Variants in DNAJC6 observed in about 807,000 individuals in gnomAD.
The protein encoded by DNAJC6 is auxilin.
Under a neutral mutation model 110.0 loss-of-function variants are expected in DNAJC6, and 34 were observed. The ratio of observed to expected loss-of-function variants is 0.31; its 90% CI spans 0.24 to 0.41. The LOEUF (loss-of-function observed/expected upper bound fraction) is 0.41. Ranked by LOEUF, DNAJC6 falls within the 10% of genes least tolerant of loss-of-function variation. The pLI is 1.00. For synonymous variants in DNAJC6, 406 were observed against 437.2 expected (o/e 0.93, Z 0.89); for missense variants, 1,031 against 1,207.8 (o/e 0.85, Z 2.17).
At chr1:65,318,838 A>G (rs2101403155) in intron 1 of DNAJC6, among the ~76,000 whole-genome samples, 1 of 152,314 alleles carries the variant, frequency 6.6e-6, no homozygotes, top group East Asian at 1.9e-4. Context: ...CATGCTGCAC[A>G]TGTACACCAG....
At chr1:65,380,308 AATTTCAAAGCTTCT>A (rs1645805126) in intron 5 of DNAJC6, among the ~76,000 whole-genome samples, 1 of 152,240 alleles carries the variant, frequency 6.6e-6, no homozygotes, top group African/African-American at 2.4e-5. Flanking sequence ...TAATGCTGGA[AATTTCAAAGCTTCT>A]ATAAATTTTA....
chr1:65,316,372 T>C (rs1645148871), intron 1 of DNAJC6, among the ~76,000 whole-genome samples: 1 of 152,236 alleles, frequency 6.6e-6, no homozygotes, highest in Non-Finnish European at 1.5e-5. Context: ...AGCTCAGATA[T>C]TCCTTAATCG....
At chr1:65,307,008 CTCTCTCTCTCTATATATATA>C (rs1645048712), upstream of DNAJC6, among the ~76,000 whole-genome samples, 1 of 93,214 alleles carries the variant, frequency 1.1e-5, no homozygotes, top group African/African-American at 4.8e-5. Flanking sequence ...CTCTCTCTCT[CTCTCTCTCTCTATATATATA>C]TATATATATA....
chr1:65,374,359 A>G (rs999209492), intron 4 of DNAJC6, among the ~76,000 whole-genome samples: 3 of 152,066 alleles, frequency 2.0e-5, no homozygotes, highest in Non-Finnish European at 4.4e-5. Context: ...GAATCTGTAC[A>G]TTGCTTTGGG....
intron 18 of DNAJC6, 123 bp downstream of exon 18, chr1:65,411,549 G>C: frequency 1.1e-6 from 1 of 876,256 alleles, no homozygotes; most frequent in Non-Finnish European, 1.7e-6. Context: ...AAGTCAATGA[G>C]CTAAAATCAG....
chr1:65,310,116 A>G (rs1645084942), intron 1 of DNAJC6, among the ~76,000 whole-genome samples, 178 bp downstream of exon 1: 2 of 151,154 alleles, frequency 1.3e-5, no homozygotes, highest in South Asian at 4.2e-4. Flanking sequence ...TCATCCAGGG[A>G]GCTACGAAAC....
chr1:65,383,837 T>C (rs1210605853), intron 5 of DNAJC6, among the ~76,000 whole-genome samples: 2 of 152,350 alleles, frequency 1.3e-5, no homozygotes. Flanking sequence ...AAGCAGCATT[T>C]ACCTAACCTG....
At chr1:65,343,898 C>T (rs1243131461) in intron 1 of DNAJC6, among the ~76,000 whole-genome samples, 1 of 152,142 alleles carries the variant, frequency 6.6e-6, no homozygotes. Context: ...TGTGTAAGTG[C>T]TGTATTAAGA....
At chr1:65,345,115 CAT>C (rs34923975) in intron 1 of DNAJC6, among the ~76,000 whole-genome samples, 92,873 of 151,618 alleles carry the variant, frequency 0.61, 29,550 homozygotes, top group African/African-American at 0.79. Context: ...AGGAAGGTAT[CAT>C]AGGCCTTCTC....
At chr1:65,378,152 A>G (rs1258936342) in intron 4 of DNAJC6, among the ~76,000 whole-genome samples, 1 of 152,098 alleles carries the variant, frequency 6.6e-6, no homozygotes, top group Admixed American at 6.5e-5. Flanking sequence ...AGCCACTATC[A>G]TCCCTTATTG....
At chr1:65,285,017 C>A (rs1570216890) in intron 1 of DNAJC6, among the ~76,000 whole-genome samples, 1 of 152,224 alleles carries the variant, frequency 6.6e-6, no homozygotes, top group East Asian at 1.9e-4. Context: ...TGTGGTTTTC[C>A]ATCTGGTTCC....
chr1:65,382,975 A>G (rs1645837793), intron 5 of DNAJC6, among the ~76,000 whole-genome samples: 2 of 152,336 alleles, frequency 1.3e-5, no homozygotes, highest in South Asian at 4.2e-4. Flanking sequence ...TATTTCAGAT[A>G]TGTGAAGGAC....
chr1:65,386,763 G>T (rs769677343), intron 7 of DNAJC6, 49 bp from the exon 8 acceptor site: 55 of 1,471,134 alleles, frequency 3.7e-5, no homozygotes, highest in Non-Finnish European at 5.0e-5. Context: ...CTGTGTGATT[G>T]TACCAGATTG....
chr1:65,389,240 T>C lies in DNAJC6; in HGVS notation c.1194-16T>C, dbSNP rs750450611. 3 of 1,607,568 alleles carry C rather than the reference T, an allele frequency of 1.9e-6. No homozygotes were observed. The highest frequency in any genetic ancestry group is 1.3e-5 in the African/African-American group (1 of 74,672). On this transcript the variant is annotated splice_polypyrimidine_tract_variant and intron_variant, in intron 9 of 18. Coordinates refer to ENST00000371069, the MANE Select transcript of DNAJC6 (RefSeq NM_001256864.2). Reference sequence around the variant, plus strand: ...TTGTTTTTCACTGAATTTATCTTTTTTAAATCCCTATTTAGGCCTGAGTTA... The same window carrying C: ...TTGTTTTTCACTGAATTTATCTTTTCTAAATCCCTATTTAGGCCTGAGTTA...
intron 18 of DNAJC6, among the ~76,000 whole-genome samples, chr1:65,411,870 T>C (rs1304186309): frequency 6.6e-6 from 1 of 151,710 alleles, no homozygotes; most frequent in Non-Finnish European, 1.5e-5. Flanking sequence ...ACTCGGGAGG[T>C]TGAGGTAGGA....
At chr1:65,274,807 G>A (rs368918014) in intron 1 of DNAJC6, among the ~76,000 whole-genome samples, 1 of 152,124 alleles carries the variant, frequency 6.6e-6, no homozygotes, top group East Asian at 1.9e-4. Flanking sequence ...TGTCCCATCT[G>A]TTTTATATAC....
chr1:65,285,111 G>C (rs1167155585), intron 1 of DNAJC6, among the ~76,000 whole-genome samples: 1 of 152,184 alleles, frequency 6.6e-6, no homozygotes, highest in Admixed American at 6.5e-5. Context: ...ATTGGCTCCT[G>C]CTTTGCAGTG....
upstream of DNAJC6, chr1:65,309,450 G>A (rs774601067): frequency 1.2e-6 from 1 of 851,488 alleles, no homozygotes. Flanking sequence ...CCCGGAGCTC[G>A]GCAGGGCCGG....
At chr1:65,315,558 A>G (rs914766197) in intron 1 of DNAJC6, among the ~76,000 whole-genome samples, 1 of 152,168 alleles carries the variant, frequency 6.6e-6, no homozygotes, top group African/African-American at 2.4e-5. Context: ...ATAAAATACA[A>G]ATTCAAAGTT....
Sources: allele counts gnomAD v4.1 joint callset (sites outside exome capture counted in the v4.1 genomes callset), GRCh38; gene constraint gnomAD v4.1.1; transcripts MANE v1.5; gene names NCBI Gene and HGNC (gene_info 2026-07-23, HGNC 2026-07-21).